The following U2SURP variants were observed in gnomAD, a reference collection of about 807,000 sequenced individuals.
U2SURP encodes U2 snRNP-associated SURP motif-containing protein.
A neutral mutation model predicts 144.9 loss-of-function variants in U2SURP; 9 were observed. The ratio of observed to expected loss-of-function variants is 0.06; its 90% CI spans 0.04 to 0.11. The LOEUF (loss-of-function observed/expected upper bound fraction) is 0.11, where lower values mean the gene tolerates loss of function less well. Ranked by LOEUF, U2SURP falls within the 10% of genes least tolerant of loss-of-function variation. The pLI, the probability that U2SURP is intolerant of heterozygous loss-of-function variation, is 1.00. For synonymous variants in U2SURP, 408 were observed against 396.8 expected, an observed-to-expected ratio of 1.03 and a Z score of -0.33; for missense variants, 724 against 1,226.7, an observed-to-expected ratio of 0.59 and a Z score of 6.12.
intron 23 of U2SURP, among the ~76,000 whole-genome samples, chr3:143,040,743 G>A (rs1003621682): frequency 6.6e-6 from 1 of 151,678 alleles, no homozygotes; most frequent in Non-Finnish European, 1.5e-5. Flanking sequence ...AACTGCTTAA[G>A]CCTTGAAAAA....
chr3:143,039,081 G>A, intron 23 of U2SURP, 121 bp downstream of exon 23: 2 of 624,944 alleles, frequency 3.2e-6, no homozygotes, highest in Non-Finnish European at 5.0e-6. Context: ...TTTGGGAGAG[G>A]ATCATTTTTA....
In U2SURP at chr3:143,038,967, A is replaced by C; in HGVS notation, c.2384+7A>C. 6.6e-7 allele frequency: 1 copy of C among 1,510,186 alleles called. No homozygotes were observed. Among genetic ancestry groups the C allele is most frequent in the Non-Finnish European group, 8.9e-7 (1 of 1,122,824 alleles). 93.5% of individuals were successfully genotyped at this position (1,510,186 alleles called of 1,614,324 possible). A position where few individuals can be genotyped will look rare whatever the true frequency, so the allele number is the denominator to read the frequency against. The stretch of plus-strand genomic sequence containing the variant: ...AAGAAGAAGAAAATCAAAAGTAAGA[A>C]TCTAAGTTTTGAATATACTGTTTCT... On this transcript the variant is annotated splice_region_variant and intron_variant, in intron 23 of 27. Transcript: ENST00000473835.
At chr3:143,014,113 A>G (rs940037308) in intron 3 of U2SURP, among the ~76,000 whole-genome samples, 198 bp from the exon 4 acceptor site, 1 of 151,844 alleles carries the variant, frequency 6.6e-6, no homozygotes, top group African/African-American at 2.4e-5. Context: ...GTAAATGAAG[A>G]CATTCTTTGA....
chr3:143,017,296 A>G (rs1936417969), intron 6 of U2SURP: 1 of 192,074 alleles, frequency 5.2e-6, no homozygotes, highest in Non-Finnish European at 1.1e-5. Context: ...CTTTTTAAGC[A>G]TTTCTGAACT....
chr3:143,038,009 T>C, intron 21 of U2SURP, 99 bp from the exon 22 acceptor site: 1 of 776,390 alleles, frequency 1.3e-6, no homozygotes, highest in Non-Finnish European at 1.9e-6. Context: ...TGTGTCCTTA[T>C]TTTACTTTGC....
chr3:143,044,434 G>A (rs1356635954), intron 24 of U2SURP, among the ~76,000 whole-genome samples: 1 of 151,624 alleles, frequency 6.6e-6, no homozygotes, highest in African/African-American at 2.4e-5. Flanking sequence ...GACTACAGAT[G>A]TGCACCACCA....
At chr3:143,016,668 A>T (rs563659972) in intron 5 of U2SURP, among the ~76,000 whole-genome samples, 174 bp from the exon 6 acceptor site, 1 of 152,232 alleles carries the variant, frequency 6.6e-6, no homozygotes, top group Non-Finnish European at 1.5e-5. Flanking sequence ...TAGTTTTGCT[A>T]TGAAATGATT....
At chr3:143,042,969 G>A in intron 23 of U2SURP, 148 bp from the exon 24 acceptor site, 1 of 635,728 alleles carries the variant, frequency 1.6e-6, no homozygotes, top group South Asian at 4.5e-5. Flanking sequence ...AAAATATTTT[G>A]CAAAATATGC....
intron 25 of U2SURP, among the ~76,000 whole-genome samples, 155 bp from the exon 26 acceptor site, chr3:143,053,520 TC>T (rs1413723925): frequency 7.4e-6 from 1 of 135,116 alleles, no homozygotes; most frequent in Middle Eastern, 3.5e-3. Context: ...ATGACTAGTT[TC>T]CCTGAAGGGG....
Position 143,022,642 on chromosome 3 carries a change from G to A in U2SURP, c.998G>A (p.Arg333Lys), listed in dbSNP as rs779849021. 6 of 1,610,458 alleles carry A rather than the reference G, an allele frequency of 3.7e-6. No homozygotes were observed. In the Admixed American group the frequency reaches 1.0e-4, roughly 27 times the overall value. ...TTTATGAATAGAAGAGATGCTGAAAGAGCTTTAAAAAATTTGAATGGTAAG... is the reference window on the plus strand; with the variant it reads ...TTTATGAATAGAAGAGATGCTGAAAAAGCTTTAAAAAATTTGAATGGTAAG... ...VAFMNRRDAE[R>K]ALKNLNGKMI... Residue 333 changes from arginine to lysine, a missense_variant, in exon 11 of 28, where the codon AGA becomes AAA. By Grantham distance (26) the Arg-to-Lys change is conservative. Coordinates refer to ENST00000473835, the MANE Select transcript of U2SURP (RefSeq NM_001080415.2).
intron 24 of U2SURP, 30 bp downstream of exon 24, chr3:143,043,306 C>T (rs1224975978): frequency 3.8e-6 from 6 of 1,558,994 alleles, no homozygotes; most frequent in South Asian, 1.2e-5. Flanking sequence ...TTAAATTACA[C>T]TTTATTGGCT....
chr3:143,027,035 G>A (rs1933196091), intron 13 of U2SURP, 114 bp from the exon 14 acceptor site: 6 of 777,324 alleles, frequency 7.7e-6, no homozygotes, highest in Non-Finnish European at 1.3e-5. Context: ...TATTAAATTC[G>A]GTGTTAGTCA....
At chr3:143,034,621 G>T (rs959307473) in intron 18 of U2SURP, 3 of 234,988 alleles carry the variant, frequency 1.3e-5, no homozygotes, top group African/African-American at 4.5e-5. Flanking sequence ...GGACGAGATG[G>T]TTCAGCATAT....
chr3:143,056,652 G>T lies in U2SURP; in HGVS notation c.*202G>T. On this transcript the variant is annotated 3_prime_UTR_variant, in exon 28 of 28. Transcript: ENST00000473835. The stretch of plus-strand genomic sequence containing the variant: ...ATATTGTGTAAATTACTTTCATTGT[G>T]GCTATTTCTCAAGATGAAATTTTTA... The T allele has an allele frequency of 1.9e-6, 1 of 528,402 alleles. No homozygotes were observed. The highest frequency in any genetic ancestry group is 3.2e-5 in the South Asian group (1 of 31,148). 32.7% of individuals were successfully genotyped at this position (528,402 alleles called of 1,614,324 possible). A position where few individuals can be genotyped will look rare whatever the true frequency, so the allele number is the denominator to read the frequency against.
intron 1 of U2SURP, among the ~76,000 whole-genome samples, chr3:143,010,342 T>A (rs575753535): frequency 3.9e-5 from 6 of 152,324 alleles, no homozygotes; most frequent in Middle Eastern, 3.4e-3. Flanking sequence ...TTTCTGGAAC[T>A]TTGCAGAATT....
chr3:143,037,108 C>T, intron 20 of U2SURP, 71 bp from the exon 21 acceptor site: 4 of 1,472,244 alleles, frequency 2.7e-6, no homozygotes, highest in Non-Finnish European at 3.7e-6. Context: ...TACTGGATTA[C>T]AAATTAATCT....
At chr3:143,017,856 T>G (rs1936447264) in intron 6 of U2SURP, among the ~76,000 whole-genome samples, 1 of 151,228 alleles carries the variant, frequency 6.6e-6, no homozygotes, top group South Asian at 2.1e-4. Flanking sequence ...ACTCCTGGAC[T>G]CAAGCGATTT....
chr3:143,014,146 A>G (rs1936250893), intron 3 of U2SURP, among the ~76,000 whole-genome samples, 165 bp from the exon 4 acceptor site: 4 of 151,872 alleles, frequency 2.6e-5, no homozygotes, highest in Admixed American at 2.6e-4. Flanking sequence ...ATCAGAGTCA[A>G]GTAAGATAGG....
chr3:143,016,702 T>C (rs901952016), intron 5 of U2SURP, 140 bp from the exon 6 acceptor site: 14 of 778,906 alleles, frequency 1.8e-5, no homozygotes, highest in African/African-American at 7.3e-5. Flanking sequence ...TGAGGTGATA[T>C]TTGAATTTAA....
Sources: gnomAD v4.1 joint callset for allele counts (sites outside exome capture counted in the v4.1 genomes callset) on GRCh38, gnomAD v4.1.1 for gene constraint, MANE v1.5 for transcripts, NCBI Gene and HGNC (gene_info 2026-07-23, HGNC 2026-07-21) for gene names.